RIMS2: variants seen among roughly 807,000 people sequenced by gnomAD.
RIMS2 encodes the protein regulating synaptic membrane exocytosis 2.
A neutral mutation model predicts 174.4 loss-of-function variants in RIMS2; 59 were observed. The observed-to-expected ratio is 0.34, with a 90% CI of 0.27 to 0.42. RIMS2 has a LOEUF of 0.42. Among genes scored for constraint, RIMS2 ranks in the 10% least tolerant of loss-of-function variants. The pLI, the probability that RIMS2 is intolerant of heterozygous loss-of-function variation, is 1.00. For synonymous variants in RIMS2, 606 were observed against 572.5 expected (o/e 1.06, Z -0.84); for missense variants, 1,620 against 1,666.3 (o/e 0.97, Z 0.48).
chr8:104,200,989 T>C lies in RIMS2; in HGVS notation c.3335-43927T>C, dbSNP rs369334925. On this transcript the variant is annotated intron_variant, in intron 19 of 23. Coordinates refer to ENST00000504942, the Ensembl canonical transcript of RIMS2. ...TTTGTTTTTGTTTTTCTCTCAACTT[T>C]GATTTTAGGTTCAGAAGGTACACGT... Among the ~76,000 whole-genome samples, 83 of 152,304 alleles carry C rather than the reference T, an allele frequency of 5.4e-4. 1 individual carries two copies. In the South Asian group the frequency reaches 0.012, roughly 22 times the overall value.
At chr8:103,630,580 C>CAAAAAAAAAAAA (rs61194218) in intron 1 of RIMS2, among the ~76,000 whole-genome samples, 6 of 86,986 alleles carry the variant, frequency 6.9e-5, no homozygotes, top group African/African-American at 8.0e-5. Flanking sequence ...AACTCCATCT[C>CAAAAAAAAAAAA]AAAAAAAAAA....
At chr8:104,090,044 A>G (rs1418454520) in intron 19 of RIMS2, among the ~76,000 whole-genome samples, 2 of 149,216 alleles carry the variant, frequency 1.3e-5, no homozygotes, top group Non-Finnish European at 3.0e-5. Flanking sequence ...GAACACATTT[A>G]TATACACATG....
chr8:104,147,827 C>G (rs2098654828), intron 19 of RIMS2, among the ~76,000 whole-genome samples: 1 of 152,138 alleles, frequency 6.6e-6, no homozygotes, highest in Non-Finnish European at 1.5e-5. Flanking sequence ...AATCCAAAGT[C>G]ATTTCTTTAA....
chr8:104,150,143 A>G (rs956036475), intron 19 of RIMS2, among the ~76,000 whole-genome samples: 2 of 152,154 alleles, frequency 1.3e-5, no homozygotes, highest in South Asian at 2.1e-4. Flanking sequence ...ACTTCATTGC[A>G]TGTTTTTCTT....
chr8:104,127,789 T>G (rs926343020), intron 19 of RIMS2, among the ~76,000 whole-genome samples: 1 of 151,950 alleles, frequency 6.6e-6, no homozygotes, highest in African/African-American at 2.4e-5. Flanking sequence ...AAGACAAAAC[T>G]TATACGTGAA....
chr8:103,998,404 A>G (rs2095237475), intron 17 of RIMS2, among the ~76,000 whole-genome samples: 1 of 151,828 alleles, frequency 6.6e-6, no homozygotes, highest in South Asian at 2.1e-4. Context: ...ACATGAAATA[A>G]AACGTATTAA....
At chr8:104,253,519 T>G (rs2099363585), downstream of RIMS2, 1 of 152,182 alleles carries the variant, frequency 6.6e-6, no homozygotes, top group African/African-American at 2.4e-5. Context: ...TAATAGTTAT[T>G]TGATGCCATC....
At chr8:103,892,178 T>A (rs969087367) in intron 4 of RIMS2, among the ~76,000 whole-genome samples, 1 of 151,706 alleles carries the variant, frequency 6.6e-6, no homozygotes, top group African/African-American at 2.4e-5. Flanking sequence ...AATAAGAATA[T>A]GTTAAAAATT....
chr8:103,709,394 A>T (rs2097275215), intron 2 of RIMS2, among the ~76,000 whole-genome samples: 1 of 145,672 alleles, frequency 6.9e-6, no homozygotes, highest in South Asian at 2.1e-4. Context: ...GTTGGATGAC[A>T]GGTGTTGTAT....
chr8:103,555,340 T>A (rs112755447), intron 1 of RIMS2, among the ~76,000 whole-genome samples: 1,770 of 152,250 alleles, frequency 0.012, 33 homozygotes, highest in African/African-American at 0.039. Flanking sequence ...ACTATTAGAA[T>A]GACTACTATA....
Position 103,826,224 on chromosome 8 carries a change from T to A in RIMS2, c.699-59074T>A, listed in dbSNP as rs184193706. Among the ~76,000 whole-genome samples, 26 of 152,278 alleles carry A rather than the reference T, an allele frequency of 1.7e-4. No individual in the cohort carries two copies. In the East Asian group the frequency reaches 4.8e-3, roughly 28 times the overall value. On this transcript the variant is annotated intron_variant, in intron 3 of 23. Coordinates refer to ENST00000504942, the Ensembl canonical transcript of RIMS2. ...CCTTTTGATGAGTAGAAGTTTTAAT[T>A]CTGATAAAATGTAATTTACTAATTG...
chr8:104,127,705 C>T (rs1043132534), intron 19 of RIMS2, among the ~76,000 whole-genome samples: 4 of 151,598 alleles, frequency 2.6e-5, no homozygotes, highest in Non-Finnish European at 5.9e-5. Context: ...ACAACAATAC[C>T]ACATAGTAAA....
chr8:103,982,388 C>T lies in RIMS2; in HGVS notation c.2927+6882C>T, dbSNP rs374249162. Among the ~76,000 whole-genome samples the T allele has an allele frequency of 6.0e-5, 9 of 151,014 alleles. No homozygotes were observed. The East Asian group carries it at 7.8e-4, about 13-fold the overall frequency. On this transcript the variant is annotated intron_variant, in intron 16 of 23. Transcript: ENST00000504942. ...AAGAAGGAGAGAATACTTCCAAACT[C>T]GTTCTACAAGGCCGTTATTACTTTG...
intron 1 of RIMS2, among the ~76,000 whole-genome samples, chr8:103,505,448 T>C (rs1823005849): frequency 6.6e-6 from 1 of 152,206 alleles, no homozygotes; most frequent in South Asian, 2.1e-4. Flanking sequence ...ATACTATCCC[T>C]TTTAATGAAT....
At chr8:104,034,462 C>CT (rs200907072) in intron 19 of RIMS2, among the ~76,000 whole-genome samples, 1,850 of 118,160 alleles carry the variant, frequency 0.016, 27 homozygotes, top group Middle Eastern at 0.02. Context: ...CTTGCAGTAT[C>CT]TTTTTTTTTT....
intron 1 of RIMS2, among the ~76,000 whole-genome samples, chr8:103,516,382 A>T (rs968977901): frequency 4.6e-5 from 7 of 152,166 alleles, no homozygotes; most frequent in Non-Finnish European, 1.0e-4. Flanking sequence ...TCATACTTAT[A>T]TTTTCAAAAA....
intron 19 of RIMS2, among the ~76,000 whole-genome samples, chr8:104,167,273 A>C (rs1438646612): frequency 6.6e-6 from 1 of 152,096 alleles, no homozygotes; most frequent in Non-Finnish European, 1.5e-5. Context: ...TCCTGATTTA[A>C]ACTAGGAGGG....
chr8:104,106,088 T>TGAAAA (rs2098056568), intron 19 of RIMS2, among the ~76,000 whole-genome samples: 1 of 80,686 alleles, frequency 1.2e-5, no homozygotes, highest in Non-Finnish European at 2.8e-5. Context: ...AGAAATGAAA[T>TGAAAA]GAAAAGAAAT....
chr8:103,918,324 TAC>T lies in RIMS2; in HGVS notation c.2037-113_2037-112del, dbSNP rs1338590263. 6.9e-6 allele frequency: 4 copies of T among 578,336 alleles called. No homozygotes were observed. The Admixed American group carries it at 9.5e-5, about 14-fold the overall frequency. 35.8% of individuals were successfully genotyped at this position (578,336 alleles called of 1,614,324 possible). ...TCTTATTTATATAATGCCACTATTA[TAC>T]ACAGTTTTCTTCATTTTACACTCTC... On this transcript the variant is annotated intron_variant, in intron 8 of 23. Coordinates refer to ENST00000504942, the Ensembl canonical transcript of RIMS2.
Sources: gnomAD v4.1 joint callset for allele counts (sites outside exome capture counted in the v4.1 genomes callset) on GRCh38, gnomAD v4.1.1 for gene constraint, MANE v1.5 for transcripts, NCBI Gene and HGNC (gene_info 2026-07-23, HGNC 2026-07-21) for gene names.